Variants in DOP1B observed in about 807,000 individuals in gnomAD.
DOP1B encodes DOP1 leucine zipper like protein B.
A neutral mutation model predicts 233.5 loss-of-function variants in DOP1B; 174 were observed. That is an observed-to-expected ratio of 0.75 (90% CI 0.66 to 0.85). DOP1B has a LOEUF of 0.85. DOP1B is among the 40% of genes least tolerant of loss of function. The pLI is 0.00. For missense variants in DOP1B, 2,652 were observed against 2,846.6 expected (o/e 0.93, Z 1.56); for synonymous variants, 1,190 against 1,185.6 (o/e 1.00, Z -0.08).
chr21:36,162,058 A>G (rs1442108479), intron 1 of DOP1B, among the ~76,000 whole-genome samples: 1 of 152,216 alleles, frequency 6.6e-6, no homozygotes, highest in East Asian at 1.9e-4. Context: ...TTCTGTTATA[A>G]GTGACAGTAG....
intron 19 of DOP1B, among the ~76,000 whole-genome samples, chr21:36,247,213 G>T (rs1367683222): frequency 6.6e-6 from 1 of 152,126 alleles, no homozygotes; most frequent in Non-Finnish European, 1.5e-5. Context: ...CAGGTACCCA[G>T]TCTAGCTCAG....
At chr21:36,244,071 G>T (rs1466875637) in intron 18 of DOP1B, among the ~76,000 whole-genome samples, 2 of 116,912 alleles carry the variant, frequency 1.7e-5, no homozygotes, top group Admixed American at 2.4e-4. Flanking sequence ...CTGTTGCCTA[G>T]TCTGGAGTGT....
intron 26 of DOP1B, among the ~76,000 whole-genome samples, chr21:36,268,725 A>C (rs1305631296): frequency 6.6e-6 from 1 of 152,222 alleles, no homozygotes; most frequent in Non-Finnish European, 1.5e-5. Context: ...GCTGGAGTGC[A>C]GTGGCACTAT....
At chr21:36,177,652 G>T (rs2066047401) in intron 2 of DOP1B, among the ~76,000 whole-genome samples, 1 of 152,114 alleles carries the variant, frequency 6.6e-6, no homozygotes, top group Non-Finnish European at 1.5e-5. Flanking sequence ...GCATTGATAG[G>T]TTATCCTGGG....
At chr21:36,253,708 T>G in intron 22 of DOP1B, 64 bp from the exon 23 acceptor site, 2 of 1,549,090 alleles carry the variant, frequency 1.3e-6, no homozygotes, top group Non-Finnish European at 1.8e-6. Context: ...ACAATAAGGA[T>G]GTGTCATCCT....
At chr21:36,218,013 A>G (rs982207729) in intron 9 of DOP1B, among the ~76,000 whole-genome samples, 2 of 152,094 alleles carry the variant, frequency 1.3e-5, no homozygotes, top group Non-Finnish European at 2.9e-5. Flanking sequence ...CAGTCACTTA[A>G]TTTACTCTTT....
At chr21:36,175,469 C>G (rs1051771337) in intron 2 of DOP1B, among the ~76,000 whole-genome samples, 1 of 152,092 alleles carries the variant, frequency 6.6e-6, no homozygotes, top group African/African-American at 2.4e-5. Context: ...ACCCTAACTG[C>G]TTCATTCTAC....
chr21:36,164,848 T>C lies in DOP1B; in HGVS notation c.115T>C (p.Ser39Pro). 1 of 1,611,062 alleles carries C rather than the reference T, an allele frequency of 6.2e-7. No homozygotes were observed. Among genetic ancestry groups the C allele is most frequent in the Non-Finnish European group, 8.5e-7 (1 of 1,178,704 alleles). ...CTCGAGTGAATGGGCGGATCTCATA[T>C]CTTCACTTGGCAAACTCAACAAGGT... is the stretch of plus-strand genomic sequence containing the variant. ...ESSSEWADLI[S>P]SLGKLNKALQ... Residue 39 changes from serine (S) to proline (P), a missense_variant, in exon 2 of 37, where the codon TCT (serine) becomes CCT (proline). Around this residue, in one of 3 missense-constraint regions of DOP1B, gnomAD observed 2,617 missense variants for 2,794.3 expected, o/e 0.94. Coordinates refer to ENST00000691173, the MANE Select transcript of DOP1B (RefSeq NM_001320714.2).
In DOP1B at chr21:36,230,980, T is replaced by G. The variant is rs772664713; in HGVS notation, c.2196T>G (p.Val732=). The change falls in exon 14 of 37, where the codon GTT becomes GTG. Residue 732 remains valine, a synonymous_variant. Coordinates refer to ENST00000691173, the MANE Select transcript of DOP1B (RefSeq NM_001320714.2). ...PARKNGGEWD[V]EKVVIDLGGS... ...GGAAAAACGGGGGAGAATGGGATGTTGAGAAGGTGGTCATTGACCTGGGGG... is the reference window on the plus strand; with the variant it reads ...GGAAAAACGGGGGAGAATGGGATGTGGAGAAGGTGGTCATTGACCTGGGGG... 25 of 1,613,978 alleles carry G rather than the reference T, an allele frequency of 1.5e-5. No homozygotes were observed. The highest frequency in any genetic ancestry group is 1.3e-4 in the South Asian group (12 of 91,082).
At chr21:36,277,241 C>T (rs2067361097) in intron 28 of DOP1B, 141 bp downstream of exon 28, 1 of 772,430 alleles carries the variant, frequency 1.3e-6, no homozygotes, top group South Asian at 1.8e-5. Context: ...CAGCATTGGC[C>T]TCAAGCTGCA....
intron 2 of DOP1B, among the ~76,000 whole-genome samples, chr21:36,186,897 C>T (rs900415685): frequency 1.6e-4 from 24 of 152,216 alleles, no homozygotes; most frequent in African/African-American, 5.5e-4. Flanking sequence ...AGCCCGGACT[C>T]GGACCCAGGC....
intron 1 of DOP1B, among the ~76,000 whole-genome samples, chr21:36,157,987 G>A (rs1424675673): frequency 1.3e-5 from 2 of 151,530 alleles, no homozygotes; most frequent in African/African-American, 2.4e-5. Context: ...ATTTTGAGAC[G>A]AAGGTCTCAT....
At chr21:36,231,246 C>T (rs2066761753) in intron 14 of DOP1B, 112 bp downstream of exon 14, 12 of 1,365,450 alleles carry the variant, frequency 8.8e-6, no homozygotes, top group Non-Finnish European at 9.8e-6. Flanking sequence ...TTTTGGATTT[C>T]GGACTTTTTT....
intron 10 of DOP1B, among the ~76,000 whole-genome samples, 175 bp from the exon 11 acceptor site, chr21:36,223,056 C>T (rs570711304): frequency 5.9e-5 from 9 of 152,248 alleles, no homozygotes; most frequent in Non-Finnish European, 8.8e-5. Context: ...ATATTGTTTA[C>T]GATGGCATTA....
chr21:36,191,656 C>T (rs60995147), intron 2 of DOP1B, among the ~76,000 whole-genome samples: 30,160 of 151,884 alleles, frequency 0.2, 2,953 homozygotes, highest in African/African-American at 0.22. Flanking sequence ...CATGGTGGCA[C>T]GTGCCTGTAA....
At chr21:36,214,602 C>A (rs746687385) in intron 9 of DOP1B, 46 bp downstream of exon 9, 1 of 1,495,276 alleles carries the variant, frequency 6.7e-7, no homozygotes, top group South Asian at 1.2e-5. Context: ...ATACAGATTA[C>A]CTGTTTTCAG....
chr21:36,196,841 A>G (rs2066295974), intron 2 of DOP1B, among the ~76,000 whole-genome samples: 1 of 152,096 alleles, frequency 6.6e-6, no homozygotes, highest in Non-Finnish European at 1.5e-5. Context: ...GATCACTGGA[A>G]CCTGGAGGTT....
At chr21:36,189,996 C>T (rs9305581) in intron 2 of DOP1B, among the ~76,000 whole-genome samples, 25,502 of 125,560 alleles carry the variant, frequency 0.2, 2,311 homozygotes, top group Admixed American at 0.24. Flanking sequence ...GGTGACAGAG[C>T]GATACTCCGT....
rs2066753569 is a variant in DOP1B, at chr21:36,230,772, G to A, written c.1988G>A (p.Arg663Lys). The part of the protein sequence containing the change: ...ESKSEEPAGK[R>K]DRDGTQSLAA... ...AAGTCCGAGGAGCCTGCAGGGAAGA[G>A]GGACAGGGATGGGACGCAGAGCCTG... is the stretch of plus-strand genomic sequence containing the variant. Residue 663 changes from arginine to lysine, a missense_variant, in exon 14 of 37, where the codon AGG (arginine) becomes AAG (lysine). Coordinates refer to ENST00000691173, the MANE Select transcript of DOP1B (RefSeq NM_001320714.2). 2 of 1,614,210 alleles carry A rather than the reference G, an allele frequency of 1.2e-6. No individual in the cohort carries two copies. The highest frequency in any genetic ancestry group is 1.7e-6 in the Non-Finnish European group (2 of 1,180,042).
Sources: gnomAD v4.1 joint callset for allele counts (sites outside exome capture counted in the v4.1 genomes callset) on GRCh38, gnomAD v4.1.1 for gene constraint, gnomAD v4.1.1 regional missense constraint, MANE v1.5 for transcripts, NCBI Gene and HGNC (gene_info 2026-07-23, HGNC 2026-07-21) for gene names.